The following PIN1 variants were observed in gnomAD, a reference collection of about 807,000 sequenced individuals.
PIN1 encodes the protein peptidyl-prolyl cis-trans isomerase NIMA-interacting 1.
A neutral mutation model predicts 19.9 loss-of-function variants in PIN1; 8 were observed. The observed-to-expected ratio is 0.40, with a 90% CI of 0.24 to 0.72. The LOEUF (loss-of-function observed/expected upper bound fraction) is 0.72, where lower values mean the gene tolerates loss of function less well. Ranked by LOEUF, PIN1 falls within the 30% of genes least tolerant of loss-of-function variation. The probability of loss-of-function intolerance (pLI) is 0.37; values close to 1 mark genes in which losing one functional copy is unlikely to be tolerated. For synonymous variants in PIN1, 86 were observed against 90.8 expected, an observed-to-expected ratio of 0.95 and a Z score of 0.30; for missense variants, 185 against 226.5, an observed-to-expected ratio of 0.82 and a Z score of 1.18.
intron 2 of PIN1, among the ~76,000 whole-genome samples, chr19:9,841,353 T>C (rs1319188465): frequency 1.3e-5 from 2 of 152,134 alleles, no homozygotes; most frequent in African/African-American, 2.4e-5. Flanking sequence ...ACACAAAGCC[T>C]GGCCCAGAGT....
In PIN1 at chr19:9,849,287, C is replaced by T. The variant is rs1164706136; in HGVS notation, c.*88C>T. On this transcript the variant is annotated 3_prime_UTR_variant, in exon 4 of 4. Transcript: ENST00000247970. Reference sequence around the variant, plus strand: ...TTGCCCGCCAGCCAGTGGCCGAACCCCCCACTCCCTGCCACCGTCACACAG... The same window carrying T: ...TTGCCCGCCAGCCAGTGGCCGAACCTCCCACTCCCTGCCACCGTCACACAG... 1.2e-6 allele frequency: 1 copy of T among 834,564 alleles called. No homozygotes were observed. Among genetic ancestry groups the T allele is most frequent in the Non-Finnish European group, 2.0e-6 (1 of 496,734 alleles). The allele number at this position is 834,564 out of a possible 1,614,324, so 51.7% of individuals were successfully genotyped here.
chr19:9,841,064 T>C (rs2046161077), intron 2 of PIN1, among the ~76,000 whole-genome samples: 1 of 152,204 alleles, frequency 6.6e-6, no homozygotes, highest in Admixed American at 6.5e-5. Flanking sequence ...TTGGTTGTGG[T>C]AGCACAGGGC....
chr19:9,849,026 C>G, intron 3 of PIN1, 64 bp from the exon 4 acceptor site: 1 of 1,041,772 alleles, frequency 9.6e-7, no homozygotes, highest in Non-Finnish European at 1.5e-6. Flanking sequence ...TGCCACCCGC[C>G]CTGCCTCATC....
At chr19:9,836,848 A>G in intron 1 of PIN1, 2 of 1,287,016 alleles carry the variant, frequency 1.6e-6, no homozygotes, top group Non-Finnish European at 2.0e-6. Flanking sequence ...AGCGTTACCC[A>G]CTGCTGCCAT....
chr19:9,849,128 CT>C lies in PIN1; in HGVS notation c.422del (p.Leu141ArgfsTer6), dbSNP rs1239615270. ...GCCATTTGAAGACGCCTCGTTTGCG[CT>C]GCGGACGGGGGAGATGAGCGGGCCC... ...QKPFEDASFA[L>X]RTGEMSGPVF... is the part of the protein sequence containing the mutation. On this transcript the variant is annotated frameshift_variant, in exon 4 of 4. Transcript: ENST00000247970. LOFTEE classifies it high-confidence loss of function. 6.2e-7 allele frequency: 1 copy of C among 1,613,794 alleles called. No homozygotes were observed. Among genetic ancestry groups the C allele is most frequent in the Non-Finnish European group, 8.5e-7 (1 of 1,179,862 alleles).
chr19:9,848,324 G>A, intron 3 of PIN1, 184 bp downstream of exon 3: 1 of 605,400 alleles, frequency 1.7e-6, no homozygotes, highest in South Asian at 1.9e-5. Context: ...GGCCACACAG[G>A]GAGGGGGGCT....
At chr19:9,847,825 C>G (rs1362011598) in intron 2 of PIN1, among the ~76,000 whole-genome samples, 1 of 152,064 alleles carries the variant, frequency 6.6e-6, no homozygotes, top group Non-Finnish European at 1.5e-5. Context: ...GGCACCTCTT[C>G]TTGGGTGTGG....
intron 2 of PIN1, among the ~76,000 whole-genome samples, chr19:9,847,717 CT>C (rs2046234134): frequency 3.0e-4 from 45 of 151,948 alleles, no homozygotes; most frequent in Admixed American, 3.0e-3. Context: ...TGTGTGTGTG[CT>C]GGTGAGAGTG....
chr19:9,848,222 C>A, intron 3 of PIN1, 82 bp downstream of exon 3: 1 of 813,862 alleles, frequency 1.2e-6, no homozygotes, highest in Non-Finnish European at 2.1e-6. Context: ...GGGCATTGGG[C>A]TCCCAGGTGC....
chr19:9,849,162 C>T lies in PIN1; in HGVS notation c.455C>T (p.Thr152Met). The change falls in exon 4 of 4, where the codon ACG (threonine) becomes ATG (methionine). Residue 152 changes from threonine (T) to methionine (M), a missense_variant. Physicochemically the swap from Thr to Met is moderately conservative, Grantham distance 81 (BLOSUM62 -1). Transcript: ENST00000247970. ...RTGEMSGPVF[T>M]DSGIHIILRT... ...GGGGAGATGAGCGGGCCCGTGTTCA[C>T]GGATTCCGGCATCCACATCATCCTC... The T allele has an allele frequency of 6.2e-7, 1 of 1,613,140 alleles. No homozygotes were observed. Among genetic ancestry groups the T allele is most frequent in the Non-Finnish European group, 8.5e-7 (1 of 1,179,490 alleles).
intron 2 of PIN1, among the ~76,000 whole-genome samples, chr19:9,845,125 G>C (rs1210928506): frequency 6.6e-6 from 1 of 152,198 alleles, no homozygotes; most frequent in Non-Finnish European, 1.5e-5. Flanking sequence ...CAAGGTCTGC[G>C]AGGTGGGAGT....
chr19:9,848,461 T>G, intron 3 of PIN1: 1 of 353,870 alleles, frequency 2.8e-6, no homozygotes. Flanking sequence ...TTCCTTTTTG[T>G]GGTTTAAGGT....
At position 9,849,657 on chromosome 19, in the gene PIN1, C is replaced by CT. The variant is rs2046256426; in HGVS notation, c.*458_*459insT. 3.9e-6 allele frequency: 2 copies of CT among 518,214 alleles called. No homozygotes were observed. The highest frequency in any genetic ancestry group is 7.7e-6 in the Non-Finnish European group (2 of 260,694). The allele number at this position is 518,214 out of a possible 1,614,324, so 32.1% of individuals were successfully genotyped here. On this transcript the variant is annotated 3_prime_UTR_variant, in exon 4 of 4. Coordinates refer to ENST00000247970, the MANE Select transcript of PIN1 (RefSeq NM_006221.4). ...TCTGAGCAACTGTGCAGCACCCTTT[C>CT]ACCCCCAATTAAACCCAGAACCACT...
chr19:9,848,870 A>G (rs1180208885), intron 3 of PIN1, among the ~76,000 whole-genome samples: 1 of 152,048 alleles, frequency 6.6e-6, no homozygotes, highest in African/African-American at 2.4e-5. Context: ...GCTATCCTTC[A>G]TGCTGTCCTC....
chr19:9,842,477 G>T (rs536434693), intron 2 of PIN1, among the ~76,000 whole-genome samples: 130 of 152,324 alleles, frequency 8.5e-4, no homozygotes, highest in African/African-American at 3.0e-3. Context: ...CCAGTCATTG[G>T]GGTGTGGACG....
In PIN1 at chr19:9,835,408, G is replaced by T. The variant is rs1466678860; in HGVS notation, c.58+6G>T. On this transcript the variant is annotated splice_donor_region_variant and intron_variant, in intron 1 of 3. Transcript: ENST00000247970. ...GCGCATGAGCCGCAGCTCAGGTGCCGCGGGGGTCGGGGCTGGGGCGGGACT... is the reference window on the plus strand; with the variant it reads ...GCGCATGAGCCGCAGCTCAGGTGCCTCGGGGGTCGGGGCTGGGGCGGGACT... 5 of 1,504,596 alleles carry T rather than the reference G, an allele frequency of 3.3e-6. No homozygotes were observed. The highest frequency in any genetic ancestry group is 4.4e-6 in the Non-Finnish European group (5 of 1,133,210). The allele number at this position is 1,504,596 out of a possible 1,614,324, so 93.2% of individuals were successfully genotyped here. A position where few individuals can be genotyped will look rare whatever the true frequency, so the allele number is the denominator to read the frequency against.
Position 9,838,182 on chromosome 19 carries a change from C to G in PIN1, c.59-254C>G. 1.8e-6 allele frequency: 1 copy of G among 563,828 alleles called. No individual in the cohort carries two copies. The highest frequency in any genetic ancestry group is 3.2e-6 in the Non-Finnish European group (1 of 312,468). The allele number at this position is 563,828 out of a possible 1,614,324, so 34.9% of individuals were successfully genotyped here. On this transcript the variant is annotated intron_variant, in intron 1 of 3. Coordinates refer to ENST00000247970, the MANE Select transcript of PIN1 (RefSeq NM_006221.4). This position sits in a 1 kb window ranked among gnomAD's most constrained non-coding sequence, Gnocchi z 5.8. ...TCCTTGAAGTTATCAGGGATTGATA[C>G]TATCCTGTGTTTCATTTGCTTGTTT...
intron 2 of PIN1, among the ~76,000 whole-genome samples, chr19:9,842,917 C>T (rs2046182624): frequency 6.6e-6 from 1 of 152,240 alleles, no homozygotes; most frequent in South Asian, 2.1e-4. Flanking sequence ...ATCTGGTGCT[C>T]CGCCCTTGCC....
rs900938817 is a variant in PIN1, at chr19:9,845,898, G to A, written c.272-2132G>A. ...AGGGCCTGGGCCTGGCTCCTCAGAC[G>A]CTCAGTGCCTGCAGGCAGTCCTGCT... On this transcript the variant is annotated intron_variant, in intron 2 of 3. Coordinates refer to ENST00000247970, the MANE Select transcript of PIN1 (RefSeq NM_006221.4). 2.0e-4 allele frequency among the ~76,000 whole-genome samples: 30 copies of A among 152,122 alleles called. 1 individual carries two copies. Among genetic ancestry groups the A allele is most frequent in the African/African-American group, 7.0e-4 (29 of 41,434 alleles).
Sources: allele counts gnomAD v4.1 joint callset (sites outside exome capture counted in the v4.1 genomes callset), GRCh38; gene constraint gnomAD v4.1.1; non-coding constraint Gnocchi (gnomAD v3.1); transcripts MANE v1.5; gene names NCBI Gene and HGNC (gene_info 2026-07-23, HGNC 2026-07-21).